SLC26A8: variants seen among roughly 807,000 people sequenced by gnomAD.
SLC26A8 encodes the protein testis anion transporter 1.
A neutral mutation model predicts 105.0 loss-of-function variants in SLC26A8; 70 were observed. The ratio of observed to expected loss-of-function variants is 0.67; its 90% CI spans 0.55 to 0.81. The LOEUF (loss-of-function observed/expected upper bound fraction) is 0.81. Ranked by LOEUF, SLC26A8 falls within the 40% of genes least tolerant of loss-of-function variation. SLC26A8 has a pLI of 0.00. For missense variants in SLC26A8, 998 were observed against 1,181.8 expected, an observed-to-expected ratio of 0.84 and a Z score of 2.28; for synonymous variants, 415 against 438.3, an observed-to-expected ratio of 0.95 and a Z score of 0.66.
At position 35,985,510 on chromosome 6, in the gene SLC26A8, T is replaced by C. The variant is rs551479923; in HGVS notation, c.943-3307A>G. On this transcript the variant is annotated intron_variant, in intron 7 of 19. Coordinates refer to ENST00000490799, the MANE Select transcript of SLC26A8 (RefSeq NM_052961.4). ...GAGATCGAGACCATCCTGGCCAACA[T>C]GGTGAAACCCCATCTCTACTAAAAA... Among the ~76,000 whole-genome samples the C allele has an allele frequency of 4.6e-5, 7 of 151,734 alleles. No homozygotes were observed. The South Asian group carries it at 1.0e-3, about 23-fold the overall frequency.
intron 16 of SLC26A8, among the ~76,000 whole-genome samples, chr6:35,955,780 G>A (rs1772038541): frequency 6.6e-6 from 1 of 152,102 alleles, no homozygotes; most frequent in Non-Finnish European, 1.5e-5. Flanking sequence ...GTCCCAGTGA[G>A]CCAGACTTAA....
intron 3 of SLC26A8, among the ~76,000 whole-genome samples, chr6:36,011,256 T>C (rs1451923585): frequency 6.6e-6 from 1 of 152,208 alleles, no homozygotes; most frequent in Admixed American, 6.5e-5. Context: ...CCGGGCAGAA[T>C]TGCTTATGGT....
chr6:35,991,127 G>A (rs7742178), intron 7 of SLC26A8, among the ~76,000 whole-genome samples: 144,758 of 152,224 alleles, frequency 0.95, 69,073 homozygotes, highest in East Asian at 1. Context: ...TAGGCCAGGC[G>A]TGGTGGCTCA....
chr6:35,969,654 A>AAAATCCCAAGCACCCTG (rs1554163829), intron 10 of SLC26A8: 1 of 151,856 alleles, frequency 6.6e-6, no homozygotes, highest in African/African-American at 2.4e-5. Context: ...TGTCAGCCCT[A>AAAATCCCAAGCACCCTG]CTTCCCATGT....
intron 7 of SLC26A8, among the ~76,000 whole-genome samples, chr6:35,985,032 C>T (rs546640039): frequency 6.6e-6 from 1 of 152,308 alleles, no homozygotes; most frequent in Non-Finnish European, 1.5e-5. Context: ...CAGCTTAGGT[C>T]TCCACAACCC....
chr6:35,992,737 C>T, intron 5 of SLC26A8, 63 bp from the exon 6 acceptor site: 1 of 1,488,022 alleles, frequency 6.7e-7, no homozygotes. Flanking sequence ...GCACCAATGG[C>T]ACTCTCCAGG....
intron 2 of SLC26A8, among the ~76,000 whole-genome samples, chr6:36,017,815 T>C (rs1762035103): frequency 6.6e-6 from 1 of 151,956 alleles, no homozygotes; most frequent in Non-Finnish European, 1.5e-5. Flanking sequence ...CTCCTATAAC[T>C]CAACAACAAA....
At chr6:36,024,326 A>G in intron 1 of SLC26A8, 178 bp downstream of exon 1, 2 of 398,698 alleles carry the variant, frequency 5.0e-6, no homozygotes, top group Non-Finnish European at 1.0e-5. Context: ...AGTAGAGACA[A>G]TACCTCAGAG....
At chr6:36,012,771 T>C (rs1761896081) in intron 2 of SLC26A8, among the ~76,000 whole-genome samples, 1 of 152,192 alleles carries the variant, frequency 6.6e-6, no homozygotes, top group Admixed American at 6.5e-5. Context: ...CACAGGATAT[T>C]TGGGAAGAAT....
In SLC26A8 at chr6:36,019,505, A is replaced by T. The variant is rs758734648; in HGVS notation, c.188+15T>A. ...TGCCCGGCTCGGCAGCAGGTGAAAG[A>T]TTGGACACACGCACCGGCACTGGAC... On this transcript the variant is annotated intron_variant, in intron 2 of 19. Transcript: ENST00000490799. 1 of 1,609,280 alleles carries T rather than the reference A, an allele frequency of 6.2e-7. No individual in the cohort carries two copies. The highest frequency in any genetic ancestry group is 8.5e-7 in the Non-Finnish European group (1 of 1,177,804).
intron 19 of SLC26A8, among the ~76,000 whole-genome samples, chr6:35,947,304 T>G (rs1196798750): frequency 6.6e-6 from 1 of 152,168 alleles, no homozygotes; most frequent in East Asian, 1.9e-4. Flanking sequence ...GTGCTAGGAT[T>G]GCAGGCATGA....
chr6:36,001,419 C>T (rs1267091509), intron 3 of SLC26A8, among the ~76,000 whole-genome samples: 3 of 152,192 alleles, frequency 2.0e-5, no homozygotes, highest in Non-Finnish European at 2.9e-5. Flanking sequence ...TGAGCCACCG[C>T]GCCCAGCCAG....
chr6:35,962,862 CG>C (rs1772369325), intron 11 of SLC26A8, among the ~76,000 whole-genome samples: 1 of 152,120 alleles, frequency 6.6e-6, no homozygotes, highest in Admixed American at 6.6e-5. Context: ...AGTACTGTGG[CG>C]TGCTATCATA....
At chr6:35,980,163 G>A (rs1278060395) in intron 8 of SLC26A8, among the ~76,000 whole-genome samples, 1 of 152,098 alleles carries the variant, frequency 6.6e-6, no homozygotes, top group African/African-American at 2.4e-5. Flanking sequence ...AGTAGAGATG[G>A]GGTTTCACCA....
chr6:36,003,038 G>C (rs551169030), intron 3 of SLC26A8, among the ~76,000 whole-genome samples: 12 of 152,106 alleles, frequency 7.9e-5, no homozygotes, highest in Admixed American at 1.3e-4. Context: ...TGAATAGATA[G>C]AAGTTCTTAA....
chr6:35,944,191 C>T lies in SLC26A8; in HGVS notation c.2622G>A (p.Leu874=). The T allele has an allele frequency of 6.2e-7, 1 of 1,613,940 alleles. No individual in the cohort carries two copies. The highest frequency in any genetic ancestry group is 1.1e-5 in the South Asian group (1 of 91,072). Reference sequence around the variant, plus strand: ...CCAGCTCCCGATCCAGGTCTAGGTCCAGACCCAGCCCAGCCTCTTGTTCTG... The same window carrying T: ...CCAGCTCCCGATCCAGGTCTAGGTCTAGACCCAGCCCAGCCTCTTGTTCTG... ...LESEQEAGLG[L]DLDLDRELEP... is the part of the protein sequence containing the mutation. Residue 874 remains leucine, a synonymous_variant, in exon 20 of 20, where the codon CTG becomes CTA. Transcript: ENST00000490799.
intron 2 of SLC26A8, among the ~76,000 whole-genome samples, chr6:36,015,201 G>A (rs372188791): frequency 1.3e-5 from 2 of 150,304 alleles, no homozygotes; most frequent in South Asian, 4.2e-4. Flanking sequence ...TTTGCATTCC[G>A]GTCCTGGTTC....
At chr6:35,974,924 T>C (rs1212154846) in intron 10 of SLC26A8, among the ~76,000 whole-genome samples, 1 of 151,840 alleles carries the variant, frequency 6.6e-6, no homozygotes, top group Non-Finnish European at 1.5e-5. Context: ...TTTTTTCTTT[T>C]TTTTTGTATT....
At chr6:36,007,692 G>C (rs1761728512) in intron 3 of SLC26A8, among the ~76,000 whole-genome samples, 2 of 152,174 alleles carry the variant, frequency 1.3e-5, no homozygotes, top group Non-Finnish European at 2.9e-5. Context: ...TCACTGTCAA[G>C]ATATGGTATT....
Sources: gnomAD v4.1 joint callset for allele counts (sites outside exome capture counted in the v4.1 genomes callset) on GRCh38, gnomAD v4.1.1 for gene constraint, MANE v1.5 for transcripts, NCBI Gene and HGNC (gene_info 2026-07-23, HGNC 2026-07-21) for gene names.